Variants in TBC1D9B observed in about 807,000 individuals in gnomAD.
TBC1D9B encodes the protein TBC1 domain family, member 9B (with GRAM domain).
In TBC1D9B, 87 loss-of-function variants were observed where a neutral mutation model predicts 121.1. The observed-to-expected ratio is 0.72, with a 90% CI of 0.60 to 0.86. TBC1D9B has a LOEUF of 0.86. Among genes scored for constraint, TBC1D9B ranks in the 40% least tolerant of loss-of-function variants. The pLI, the probability that TBC1D9B is intolerant of heterozygous loss-of-function variation, is 0.00. For synonymous variants in TBC1D9B, 668 were observed against 670.1 expected, an observed-to-expected ratio of 1.00 and a Z score of 0.05; for missense variants, 1,540 against 1,628.6, an observed-to-expected ratio of 0.95 and a Z score of 0.94.
rs1266710136 is a variant in TBC1D9B at position 179,869,926 on chromosome 5, C to G, written c.2726-92G>C. 5 of 1,242,962 alleles carry G rather than the reference C, an allele frequency of 4.0e-6. No homozygotes were observed. In the African/African-American group the frequency reaches 4.6e-5, roughly 11 times the overall value. 77.0% of individuals were successfully genotyped at this position (1,242,962 alleles called of 1,614,324 possible). ...AGTAGGACCCTCTTCACAGCCTGTG[C>G]TGCCCAACTCCCTCCTGGAGAGGTC... On this transcript the variant is annotated intron_variant, in intron 16 of 20. Coordinates refer to ENST00000355235, the MANE Select transcript of TBC1D9B (RefSeq NM_015043.4).
intron 6 of TBC1D9B, among the ~76,000 whole-genome samples, chr5:179,889,871 C>CAAAAA (rs397883158): frequency 8.2e-5 from 4 of 48,940 alleles, no homozygotes; most frequent in South Asian, 1.0e-3. Context: ...GACCCTGTCT[C>CAAAAA]AAAAAAAAAA....
At position 179,863,677 on chromosome 5, in the gene TBC1D9B, A is replaced by C. The variant is rs781779074; in HGVS notation, c.3473T>G (p.Val1158Gly). 6.2e-7 allele frequency: 1 copy of C among 1,613,744 alleles called. No homozygotes were observed. Among genetic ancestry groups the C allele is most frequent in the East Asian group, 2.2e-5 (1 of 44,882 alleles). ...GCTGCAGGCCTCCCCGCCCACCAGC[A>C]CCGTGTCGTCTGCAAGGTCTTCACA... ...LQCEDLADDT[V>G]LVGGEACSPT... is the part of the protein sequence containing the mutation. The change falls in exon 21 of 21, where the codon GTG (valine) becomes GGG (glycine). Residue 1158 changes from valine (V) to glycine (G), a missense_variant. Val to Gly is a moderately radical substitution (Grantham distance 109, BLOSUM62 -3). Transcript: ENST00000355235. The surrounding 1 kb of genome is among the most constrained non-coding windows in gnomAD (Gnocchi z 4.5).
chr5:179,867,418 G>A (rs565378764), intron 18 of TBC1D9B: 3 of 1,548,878 alleles, frequency 1.9e-6, no homozygotes, highest in Non-Finnish European at 2.6e-6. Flanking sequence ...GAGGTACAGG[G>A]GGCGCCCCTG....
At chr5:179,892,107 C>A (rs1760883714) in intron 5 of TBC1D9B, among the ~76,000 whole-genome samples, 1 of 152,252 alleles carries the variant, frequency 6.6e-6, no homozygotes, top group Non-Finnish European at 1.5e-5. Context: ...TGACAGTGGC[C>A]TGGCCCAGGC....
chr5:179,903,591 T>A (rs775413864), intron 2 of TBC1D9B, among the ~76,000 whole-genome samples: 53 of 152,220 alleles, frequency 3.5e-4, no homozygotes, highest in Non-Finnish European at 6.6e-4. Context: ...GACCGATACA[T>A]AACTGTTTTA....
rs1283305711 is a variant in TBC1D9B, at chr5:179,904,273, G to A, written c.229+429C>T. The stretch of plus-strand genomic sequence containing the variant: ...GGAATCTCGCTGTGTCGCCCAGGCT[G>A]GAGTGCAGTGGCGCGATCTCGGCTC... On this transcript the variant is annotated intron_variant, in intron 2 of 20. Transcript: ENST00000355235. This position sits in a 1 kb window ranked among gnomAD's most constrained non-coding sequence, Gnocchi z 4.2. Among the ~76,000 whole-genome samples, 3 of 140,460 alleles carry A rather than the reference G, an allele frequency of 2.1e-5. No homozygotes were observed. The highest frequency in any genetic ancestry group is 3.0e-5 in the Non-Finnish European group (2 of 66,990). 92.1% of individuals were successfully genotyped at this position (140,460 alleles called of 152,430 possible).
chr5:179,892,602 C>G (rs1448709293), intron 5 of TBC1D9B, among the ~76,000 whole-genome samples: 1 of 152,240 alleles, frequency 6.6e-6, no homozygotes, highest in African/African-American at 2.4e-5. Flanking sequence ...CTGGACAGGG[C>G]AGCAGGGAAC....
At position 179,874,948 on chromosome 5, in the gene TBC1D9B, G is replaced by T; in HGVS notation, c.2140C>A (p.Leu714Met). 6 of 1,613,748 alleles carry T rather than the reference G, an allele frequency of 3.7e-6. No homozygotes were observed. Among genetic ancestry groups the T allele is most frequent in the African/African-American group, 1.3e-5 (1 of 75,074 alleles). Residue 714 changes from leucine to methionine, a missense_variant, in exon 12 of 21, where the codon CTG becomes ATG. Physicochemically the swap from Leu to Met is conservative, Grantham distance 15 (BLOSUM62 2). Transcript: ENST00000355235. The surrounding 1 kb of genome is among the most constrained non-coding windows in gnomAD (Gnocchi z 4.3). ...LAVLDANMEQ[L>M]LGCSDEGEAM... ...TCGCCCTCGTCGCTGCAGCCCAGCA[G>T]CTGCTCCATGTTGGCGTCCAGGACG...
chr5:179,870,077 C>T (rs1253763679), intron 16 of TBC1D9B, among the ~76,000 whole-genome samples, 178 bp downstream of exon 16: 3 of 152,162 alleles, frequency 2.0e-5, no homozygotes, highest in Non-Finnish European at 2.9e-5. Context: ...GGGCAAGGCT[C>T]CTGCTGGACC....
At chr5:179,895,108 G>A (rs1291704768) in intron 3 of TBC1D9B, among the ~76,000 whole-genome samples, 9 of 152,248 alleles carry the variant, frequency 5.9e-5, no homozygotes, top group South Asian at 2.1e-4. Context: ...TGATCCGCCC[G>A]CCTCAGCCTC....
rs550418299 is a variant in TBC1D9B, at chr5:179,904,220, CTTTTTTTTT to C, written c.229+473_229+481del. On this transcript the variant is annotated intron_variant, in intron 2 of 20. Coordinates refer to ENST00000355235, the MANE Select transcript of TBC1D9B (RefSeq NM_015043.4). The surrounding 1 kb of genome is among the most constrained non-coding windows in gnomAD (Gnocchi z 4.2). The stretch of plus-strand genomic sequence containing the variant: ...CTGTCCCCATGACCAGTGGAGCTGC[CTTTTTTTTT>C]TTTTTTTTTTTTTGAGACGGAATCT... Among the ~76,000 whole-genome samples the C allele has an allele frequency of 6.2e-5, 5 of 80,898 alleles. 1 individual carries two copies. Among genetic ancestry groups the C allele is most frequent in the African/African-American group, 2.0e-4 (4 of 19,972 alleles). 53.1% of individuals were successfully genotyped at this position (80,898 alleles called of 152,430 possible).
Position 179,867,839 on chromosome 5 carries a change from TG to T in TBC1D9B, c.2801del (p.Pro934GlnfsTer72). 9 of 1,524,602 alleles carry T rather than the reference TG, an allele frequency of 5.9e-6. No individual in the cohort carries two copies. Among genetic ancestry groups the T allele is most frequent in the Non-Finnish European group, 7.9e-6 (9 of 1,135,862 alleles). 94.4% of individuals were successfully genotyped at this position (1,524,602 alleles called of 1,614,324 possible). ...CCTCCAGGGCTGACTCGGCTTCCTC[TG>T]GGCTCAGAGCTGTGCTTGGAGAGAA... The part of the protein sequence containing the change: ...YKLHLPPALS[P>X]EEAESALEAA... On this transcript the variant is annotated frameshift_variant, in exon 18 of 21. Transcript: ENST00000355235. LOFTEE classifies it high-confidence loss of function.
At chr5:179,864,708 G>T (rs1330583943) in intron 20 of TBC1D9B, among the ~76,000 whole-genome samples, 2 of 152,218 alleles carry the variant, frequency 1.3e-5, no homozygotes, top group African/African-American at 4.8e-5. Flanking sequence ...CCTGCTGGGG[G>T]AGTGGTCAGA....
chr5:179,879,218 G>A (rs1437989725), intron 8 of TBC1D9B, 21 bp from the exon 9 acceptor site: 5 of 1,592,384 alleles, frequency 3.1e-6, no homozygotes, highest in Non-Finnish European at 4.3e-6. Flanking sequence ...AGCGCATCAG[G>A]GAGCCTGGGG....
chr5:179,865,666 G>T lies in TBC1D9B; in HGVS notation c.2914+172C>A. Reference sequence around the variant, plus strand: ...GGGCTGGCTGGGTGCCCGTGGGGCTGGTGGAGAGCGTGGAGCCTCCTGTGC... The same window carrying T: ...GGGCTGGCTGGGTGCCCGTGGGGCTTGTGGAGAGCGTGGAGCCTCCTGTGC... On this transcript the variant is annotated intron_variant, in intron 19 of 20. Transcript: ENST00000355235. This position sits in a 1 kb window ranked among gnomAD's most constrained non-coding sequence, Gnocchi z 5.1. 1.3e-6 allele frequency: 1 copy of T among 742,656 alleles called. No individual in the cohort carries two copies. Among genetic ancestry groups the T allele is most frequent in the Non-Finnish European group, 2.2e-6 (1 of 455,002 alleles). 46.0% of individuals were successfully genotyped at this position (742,656 alleles called of 1,614,324 possible). A position where few individuals can be genotyped will look rare whatever the true frequency, so the allele number is the denominator to read the frequency against.
At chr5:179,882,852 T>A (rs1447273111) in intron 7 of TBC1D9B, among the ~76,000 whole-genome samples, 1 of 152,120 alleles carries the variant, frequency 6.6e-6, no homozygotes, top group Non-Finnish European at 1.5e-5. Flanking sequence ...AACAAAAAGT[T>A]ACTCTAAAAT....
chr5:179,872,136 G>T (rs892065154), intron 14 of TBC1D9B: 3 of 141,446 alleles, frequency 2.1e-5, no homozygotes, highest in African/African-American at 8.0e-5. Context: ...GGATGGGCGT[G>T]GGGGAGCCTC....
At position 179,878,193 on chromosome 5, in the gene TBC1D9B, G is replaced by T. The variant is rs527420839; in HGVS notation, c.1782+116C>A. On this transcript the variant is annotated intron_variant, in intron 10 of 20. Transcript: ENST00000355235. ...TTTTAAATTACATCTTTTTCTGCTGGGCTCCTTCCTTGGGACACAAGGCAG... is the reference window on the plus strand; with the variant it reads ...TTTTAAATTACATCTTTTTCTGCTGTGCTCCTTCCTTGGGACACAAGGCAG... The T allele has an allele frequency of 2.6e-5, 27 of 1,030,362 alleles. No individual in the cohort carries two copies. The East Asian group carries it at 6.3e-4, about 24-fold the overall frequency. The allele number at this position is 1,030,362 out of a possible 1,614,324, so 63.8% of individuals were successfully genotyped here.
At chr5:179,893,676 G>C (rs777761177) in intron 4 of TBC1D9B, among the ~76,000 whole-genome samples, 1 of 152,056 alleles carries the variant, frequency 6.6e-6, no homozygotes, top group East Asian at 1.9e-4. Context: ...AACCACACAC[G>C]GTGAGTGTCT....
Sources: gnomAD v4.1 joint callset for allele counts (sites outside exome capture counted in the v4.1 genomes callset) on GRCh38, gnomAD v4.1.1 for gene constraint, Gnocchi (gnomAD v3.1) non-coding constraint, MANE v1.5 for transcripts, NCBI Gene and HGNC (gene_info 2026-07-23, HGNC 2026-07-21) for gene names.